The following SCLT1 variants were observed in gnomAD, a reference collection of about 807,000 sequenced individuals.
SCLT1 encodes sodium channel-associated protein 1.
Under a neutral mutation model 112.8 loss-of-function variants are expected in SCLT1, and 78 were observed. That is an observed-to-expected ratio of 0.69 (90% confidence interval 0.58 to 0.83). The LOEUF (loss-of-function observed/expected upper bound fraction) is 0.83, where lower values mean the gene tolerates loss of function less well. Ranked by LOEUF, SCLT1 falls within the 40% of genes least tolerant of loss-of-function variation. The pLI is 0.00. For missense variants in SCLT1, 747 were observed against 770.4 expected, an observed-to-expected ratio of 0.97 and a Z score of 0.36; for synonymous variants, 257 against 254.7, an observed-to-expected ratio of 1.01 and a Z score of -0.09.
At chr4:128,956,800 G>A (rs1052735260) in intron 13 of SCLT1, among the ~76,000 whole-genome samples, 7 of 151,944 alleles carry the variant, frequency 4.6e-5, no homozygotes, top group African/African-American at 7.2e-5. Context: ...TCCAGTGGAG[G>A]GCTATACAGT....
At chr4:128,981,644 C>T (rs918287093) in intron 9 of SCLT1, among the ~76,000 whole-genome samples, 1 of 151,726 alleles carries the variant, frequency 6.6e-6, no homozygotes, top group Non-Finnish European at 1.5e-5. Context: ...TCCTGACTCA[C>T]TGGCCCCCTA....
At chr4:128,941,631 A>G (rs1375491375) in intron 17 of SCLT1, among the ~76,000 whole-genome samples, 2 of 151,716 alleles carry the variant, frequency 1.3e-5, no homozygotes, top group African/African-American at 4.8e-5. Context: ...CCCTTTCTTA[A>G]TGGTGTCTTT....
intron 4 of SCLT1, chr4:129,040,078 C>T: frequency 3.0e-6 from 2 of 663,824 alleles, no homozygotes; most frequent in Non-Finnish European, 5.6e-6. Context: ...CCAGGTGGAA[C>T]AGGCAGTTCT....
chr4:129,028,580 G>A (rs1746361342), intron 5 of SCLT1, among the ~76,000 whole-genome samples: 1 of 152,072 alleles, frequency 6.6e-6, no homozygotes, highest in Admixed American at 6.6e-5. Context: ...AACCCTAGAA[G>A]AAAACCTATG....
chr4:129,006,326 T>C (rs961672464), intron 5 of SCLT1, among the ~76,000 whole-genome samples: 1 of 151,862 alleles, frequency 6.6e-6, no homozygotes, highest in Non-Finnish European at 1.5e-5. Flanking sequence ...GATCACGAGG[T>C]CAGGAGTTCG....
intron 18 of SCLT1, among the ~76,000 whole-genome samples, chr4:128,896,075 G>A (rs1429503275): frequency 1.3e-5 from 2 of 150,652 alleles, no homozygotes; most frequent in Non-Finnish European, 2.9e-5. Context: ...GCAGCTCAAG[G>A]AGGCCTGCCT....
intron 5 of SCLT1, among the ~76,000 whole-genome samples, chr4:129,013,352 T>C (rs1744710323): frequency 1.3e-5 from 2 of 152,358 alleles, no homozygotes; most frequent in South Asian, 4.1e-4. Context: ...GATCCTGTCA[T>C]CGTGTCAGCT....
At chr4:129,049,724 T>G (rs555380867) in intron 2 of SCLT1, among the ~76,000 whole-genome samples, 1 of 152,176 alleles carries the variant, frequency 6.6e-6, no homozygotes, top group Admixed American at 6.6e-5. Context: ...GTTGGCAGTT[T>G]TTTAATTTTT....
At chr4:129,083,053 T>C (rs1258274597) in intron 1 of SCLT1, among the ~76,000 whole-genome samples, 1 of 150,510 alleles carries the variant, frequency 6.6e-6, no homozygotes, top group East Asian at 2.0e-4. Flanking sequence ...TAGCCAAGAG[T>C]AGTGGCATGC....
At chr4:128,877,127 A>G (rs560924840) in intron 3 of SCLT1, among the ~76,000 whole-genome samples, 3 of 152,244 alleles carry the variant, frequency 2.0e-5, no homozygotes, top group Non-Finnish European at 2.9e-5. Context: ...GTCATTCCAC[A>G]TAGCCTTTGG....
intron 2 of SCLT1, among the ~76,000 whole-genome samples, chr4:129,063,360 A>G (rs969573311): frequency 3.3e-5 from 5 of 152,224 alleles, no homozygotes; most frequent in African/African-American, 1.2e-4. Flanking sequence ...CCATACCTTC[A>G]GCCATTACCG....
At chr4:129,042,692 C>T (rs1305741486) in intron 4 of SCLT1, among the ~76,000 whole-genome samples, 1 of 152,136 alleles carries the variant, frequency 6.6e-6, no homozygotes, top group Non-Finnish European at 1.5e-5. Flanking sequence ...GTTGCCTAGG[C>T]TGGAGTGCAG....
intron 4 of SCLT1, among the ~76,000 whole-genome samples, chr4:129,042,643 A>G (rs1356839524): frequency 6.6e-6 from 1 of 152,168 alleles, no homozygotes. Context: ...GACAAAACTG[A>G]AGAGAATATT....
At chr4:129,051,701 A>T (rs1222916373) in intron 2 of SCLT1, among the ~76,000 whole-genome samples, 2 of 152,138 alleles carry the variant, frequency 1.3e-5, no homozygotes, top group Admixed American at 1.3e-4. Flanking sequence ...TCTTTTCCTA[A>T]TTGAACATCC....
chr4:128,980,080 C>A (rs1171180200), intron 9 of SCLT1, among the ~76,000 whole-genome samples: 3 of 152,186 alleles, frequency 2.0e-5, no homozygotes, highest in African/African-American at 7.2e-5. Flanking sequence ...GTTTTCCATG[C>A]TCAGAAAACT....
intron 5 of SCLT1, among the ~76,000 whole-genome samples, chr4:129,030,887 G>C (rs1447331531): frequency 6.6e-6 from 1 of 152,048 alleles, no homozygotes; most frequent in Non-Finnish European, 1.5e-5. Context: ...ATATTCTGTT[G>C]ATGTGGGGTG....
intron 18 of SCLT1, among the ~76,000 whole-genome samples, chr4:128,933,921 CT>C (rs1736979046): frequency 6.6e-6 from 1 of 151,894 alleles, no homozygotes; most frequent in Non-Finnish European, 1.5e-5. Flanking sequence ...CTTGCATTTC[CT>C]TTAATCCTTA....
intron 10 of SCLT1, among the ~76,000 whole-genome samples, chr4:128,968,211 G>A (rs1740379151): frequency 6.6e-6 from 1 of 151,964 alleles, no homozygotes. Flanking sequence ...CACTTATGTT[G>A]CATTGCTTCA....
intron 2 of SCLT1, among the ~76,000 whole-genome samples, chr4:129,077,841 T>G: frequency 6.6e-6 from 1 of 152,146 alleles, no homozygotes; most frequent in East Asian, 1.9e-4. Context: ...AAGTAATATA[T>G]GAGGTAAAGA....
Sources: gnomAD v4.1 joint callset for allele counts (sites outside exome capture counted in the v4.1 genomes callset) on GRCh38, gnomAD v4.1.1 for gene constraint, MANE v1.5 for transcripts, NCBI Gene and HGNC (gene_info 2026-07-23, HGNC 2026-07-21) for gene names.